ZNF462: variants seen among roughly 807,000 people sequenced by gnomAD.
The protein encoded by ZNF462 is zinc finger protein 462, also known as zinc finger PBX1-interacting protein.
Under a neutral mutation model 201.9 loss-of-function variants are expected in ZNF462, and 10 were observed. That is an observed-to-expected ratio of 0.05 (90% confidence interval 0.03 to 0.08). The LOEUF (loss-of-function observed/expected upper bound fraction) is 0.08, where lower values mean the gene tolerates loss of function less well. Ranked by LOEUF, ZNF462 falls within the 10% of genes least tolerant of loss-of-function variation. ZNF462 has a pLI of 1.00. For synonymous variants in ZNF462, 1,227 were observed against 1,193.3 expected (o/e 1.03, Z -0.58); for missense variants, 2,523 against 3,168.3 (o/e 0.80, Z 4.89).
chr9:106,866,716 G>A (rs190010615), intron 1 of ZNF462, among the ~76,000 whole-genome samples: 24 of 151,904 alleles, frequency 1.6e-4, no homozygotes, highest in African/African-American at 4.1e-4. Context: ...GTGAAATTTC[G>A]CCAATATTAT....
Position 106,939,023 on chromosome 9 carries a change from C to T in ZNF462, c.6343C>T (p.Pro2115Ser). 6.2e-7 allele frequency: 1 copy of T among 1,614,052 alleles called. No individual in the cohort carries two copies. Among genetic ancestry groups the T allele is most frequent in the Non-Finnish European group, 8.5e-7 (1 of 1,179,974 alleles). ...CGGAAAAGCCCTGACCCTCCCCAGG[C>T]CACGGATCGTCAGTCTCCTCTCCTC... ...VHGKALTLPR[P>S]RIVSLLSSHS... Residue 2115 changes from proline to serine, a missense_variant, in exon 7 of 13, where the codon CCA (proline) becomes TCA (serine). By Grantham distance (74) the Pro-to-Ser change is moderately conservative. Around this residue, in one of 15 missense-constraint regions of ZNF462, gnomAD observed 138 missense variants for 146.3 expected, o/e 0.94. Transcript: ENST00000277225.
In ZNF462 at chr9:106,927,414, C is replaced by T. The variant is rs375277610; in HGVS notation, c.3502C>T (p.Arg1168Trp). 8.7e-6 allele frequency: 14 copies of T among 1,614,096 alleles called. No individual in the cohort carries two copies. The highest frequency in any genetic ancestry group is 2.7e-5 in the African/African-American group (2 of 75,046). The part of the protein sequence containing the change: ...RGVEGPQGSP[R>W]PPAPIQQLNR... ...GGTCGAAGGGCCCCAAGGCTCCCCC[C>T]GGCCACCCGCCCCCATACAACAGCT... Residue 1168 changes from arginine to tryptophan, a missense_variant, in exon 3 of 13, where the codon CGG becomes TGG. Coordinates refer to ENST00000277225, the MANE Select transcript of ZNF462 (RefSeq NM_021224.6).
chr9:106,957,044 G>C (rs1831609909), intron 7 of ZNF462, among the ~76,000 whole-genome samples: 1 of 152,106 alleles, frequency 6.6e-6, no homozygotes, highest in Non-Finnish European at 1.5e-5. Flanking sequence ...CTTTTCCTTT[G>C]CATTCACAAC....
chr9:106,969,850 A>C (rs540275577), intron 7 of ZNF462, among the ~76,000 whole-genome samples: 2 of 152,308 alleles, frequency 1.3e-5, no homozygotes, highest in Admixed American at 1.3e-4. Flanking sequence ...CTAAGAGTGC[A>C]AACTAGGACC....
At chr9:106,936,440 T>C (rs1173832138) in intron 6 of ZNF462, among the ~76,000 whole-genome samples, 1 of 152,202 alleles carries the variant, frequency 6.6e-6, no homozygotes, top group Admixed American at 6.5e-5. Flanking sequence ...CCTCATGCTC[T>C]GTGTAAACAG....
intron 1 of ZNF462, among the ~76,000 whole-genome samples, chr9:106,874,485 G>T (rs1199324218): frequency 1.3e-5 from 2 of 152,208 alleles, no homozygotes; most frequent in Non-Finnish European, 2.9e-5. Context: ...AATTTGAGGG[G>T]CTCCATAGGA....
At position 106,935,291 on chromosome 9, in the gene ZNF462, C is replaced by T. The variant is rs898338148; in HGVS notation, c.6117-212C>T. 1.3e-4 allele frequency among the ~76,000 whole-genome samples: 19 copies of T among 151,838 alleles called. No homozygotes were observed. The highest frequency in any genetic ancestry group is 4.1e-4 in the African/African-American group (17 of 41,162). On this transcript the variant is annotated intron_variant, in intron 5 of 12. Coordinates refer to ENST00000277225, the MANE Select transcript of ZNF462 (RefSeq NM_021224.6). This position sits in a 1 kb window ranked among gnomAD's most constrained non-coding sequence, Gnocchi z 4.1. ...GCCATATCTCTAAATCCAAAAAAAACTCTTGATCTCTTCCTTTAGCTTCCT... is the reference window on the plus strand; with the variant it reads ...GCCATATCTCTAAATCCAAAAAAAATTCTTGATCTCTTCCTTTAGCTTCCT...
rs548051506 is a variant in ZNF462 at position 106,966,468 on chromosome 9, G to A, written c.6428-5537G>A. On this transcript the variant is annotated intron_variant, in intron 7 of 12. Coordinates refer to ENST00000277225, the MANE Select transcript of ZNF462 (RefSeq NM_021224.6). This position sits in a 1 kb window ranked among gnomAD's most constrained non-coding sequence, Gnocchi z 4.4. Reference sequence around the variant, plus strand: ...TTAATACTAGTTATATTTATTAATGGACACTCATAGTTCTCTTGACATCCC... The same window carrying A: ...TTAATACTAGTTATATTTATTAATGAACACTCATAGTTCTCTTGACATCCC... Among the ~76,000 whole-genome samples, 1 of 152,116 alleles carries A rather than the reference G, an allele frequency of 6.6e-6. No individual in the cohort carries two copies. The highest frequency in any genetic ancestry group is 2.1e-4 in the South Asian group (1 of 4,814).
chr9:106,918,385 A>G (rs1296401366), intron 1 of ZNF462, among the ~76,000 whole-genome samples: 2 of 152,232 alleles, frequency 1.3e-5, no homozygotes, highest in Non-Finnish European at 2.9e-5. Context: ...ATAGATATAT[A>G]TATTTAGACA....
chr9:106,931,050 C>G (rs41277825), intron 4 of ZNF462: 2,452 of 193,886 alleles, frequency 0.013, 16 homozygotes, highest in Non-Finnish European at 0.019. Context: ...GGGTTCTGTT[C>G]CCATCATCTT....
In ZNF462 at chr9:106,928,892, C is replaced by T. The variant is rs1449304213; in HGVS notation, c.4980C>T (p.Phe1660=). The part of the protein sequence containing the change: ...STSHLVSHTV[F]RCQLCKYFCS... ...CCCACCTGGTCTCCCACACTGTGTT[C>T]CGGTGCCAGCTCTGCAAGTACTTCT... Residue 1660 remains phenylalanine, a synonymous_variant, in exon 3 of 13, where the codon TTC becomes TTT. Transcript: ENST00000277225. This position sits in a 1 kb window ranked among gnomAD's most constrained non-coding sequence, Gnocchi z 9.3. 6 of 1,614,056 alleles carry T rather than the reference C, an allele frequency of 3.7e-6. No individual in the cohort carries two copies. Among genetic ancestry groups the T allele is most frequent in the Non-Finnish European group, 5.1e-6 (6 of 1,180,024 alleles).
At chr9:106,893,751 A>C (rs1035665120) in intron 1 of ZNF462, among the ~76,000 whole-genome samples, 1 of 152,156 alleles carries the variant, frequency 6.6e-6, no homozygotes, top group African/African-American at 2.4e-5. Context: ...ATTGTTGTGC[A>C]GTGGATGTAA....
At chr9:106,892,468 G>T (rs1050205343) in intron 1 of ZNF462, among the ~76,000 whole-genome samples, 4 of 152,064 alleles carry the variant, frequency 2.6e-5, no homozygotes, top group African/African-American at 9.7e-5. Flanking sequence ...CAGTGTTGGA[G>T]AATTTCCATG....
Position 106,925,753 on chromosome 9 carries a change from G to A in ZNF462, c.1841G>A (p.Gly614Glu). The A allele has an allele frequency of 6.2e-7, 1 of 1,614,086 alleles. No individual in the cohort carries two copies. Among genetic ancestry groups the A allele is most frequent in the Non-Finnish European group, 8.5e-7 (1 of 1,180,028 alleles). Residue 614 changes from glycine (G) to glutamate (E), a missense_variant, in exon 3 of 13, where the codon GGG becomes GAG. By Grantham distance (98) the Gly-to-Glu change is moderately conservative. This residue lies in a region of ZNF462 where 383 missense variants were observed against 453.4 expected (regional missense o/e 0.84). Transcript: ENST00000277225. The surrounding 1 kb of genome is among the most constrained non-coding windows in gnomAD (Gnocchi z 7.9). Reference sequence around the variant, plus strand: ...AATTACTCCACCACAACTCTGAAAGGGCTAAGAGTCCATCAGCAGCATAAA... The same window carrying A: ...AATTACTCCACCACAACTCTGAAAGAGCTAAGAGTCCATCAGCAGCATAAA... Reference protein sequence around the residue: ...MCNYSTTTLKGLRVHQQHKHS... With the variant: ...MCNYSTTTLKELRVHQQHKHS...
rs1213682330 is a variant in ZNF462 at position 106,924,029 on chromosome 9, A to C, written c.221-104A>C. On this transcript the variant is annotated intron_variant, in intron 2 of 12. Coordinates refer to ENST00000277225, the MANE Select transcript of ZNF462 (RefSeq NM_021224.6). The surrounding 1 kb of genome is among the most constrained non-coding windows in gnomAD (Gnocchi z 6.2). ...CATCTTGAGACTTCAGGCCTTTTGC[A>C]TGTGATGTTTAGTAATGAAGAATAA... is the stretch of plus-strand genomic sequence containing the variant. 2.0e-6 allele frequency: 2 copies of C among 993,020 alleles called. No homozygotes were observed. Among genetic ancestry groups the C allele is most frequent in the East Asian group, 2.6e-5 (1 of 39,008 alleles). 61.5% of individuals were successfully genotyped at this position (993,020 alleles called of 1,614,324 possible).
rs1487577604 is a variant in ZNF462, at chr9:106,925,568, A to G, written c.1656A>G (p.Pro552=). The G allele has an allele frequency of 1.2e-6, 2 of 1,611,272 alleles. No homozygotes were observed. The highest frequency in any genetic ancestry group is 1.3e-5 in the African/African-American group (1 of 74,680). ...PPQPPPPPPP[P]PPSQPQPLQQ... is the part of the protein sequence containing the mutation. ...AGCCACCACCACCGCCGCCGCCACC[A>G]CCACCATCACAGCCACAGCCACTGC... The change falls in exon 3 of 13, where the codon CCA becomes CCG. Residue 552 remains proline (P), a synonymous_variant. Coordinates refer to ENST00000277225, the MANE Select transcript of ZNF462 (RefSeq NM_021224.6). The surrounding 1 kb of genome is among the most constrained non-coding windows in gnomAD (Gnocchi z 7.9).
At chr9:107,002,994 T>C (rs534672531) in intron 10 of ZNF462, among the ~76,000 whole-genome samples, 2 of 152,350 alleles carry the variant, frequency 1.3e-5, no homozygotes, top group South Asian at 4.1e-4. Context: ...TACTCTATAC[T>C]CTAGCCTTCA....
rs566774280 is a variant in ZNF462 at position 106,891,925 on chromosome 9, G to A, written c.-31+28570G>A. ...TAGCTTTCACCTTGCTTTAGAGAGA[G>A]AAATCTCAGAAGAACCATTTTCCTT... On this transcript the variant is annotated intron_variant, in intron 1 of 12. Transcript: ENST00000277225. Among the ~76,000 whole-genome samples the A allele has an allele frequency of 2.0e-5, 3 of 152,316 alleles. No homozygotes were observed. In the South Asian group the frequency reaches 6.2e-4, roughly 32 times the overall value.
chr9:106,918,467 G>A (rs1235747719), intron 1 of ZNF462, among the ~76,000 whole-genome samples: 3 of 152,018 alleles, frequency 2.0e-5, no homozygotes, highest in Admixed American at 6.6e-5. Context: ...CAACTTTTCA[G>A]GTCATTACTC....
Sources: allele counts gnomAD v4.1 joint callset (sites outside exome capture counted in the v4.1 genomes callset), GRCh38; gene constraint gnomAD v4.1.1; regional missense constraint gnomAD v4.1.1; non-coding constraint Gnocchi (gnomAD v3.1); transcripts MANE v1.5; gene names NCBI Gene and HGNC (gene_info 2026-07-23, HGNC 2026-07-21).